CAGE1: variants seen among roughly 807,000 people sequenced by gnomAD.
The protein encoded by CAGE1 is cancer-associated gene 1 protein.
CAGE1 carries 66 observed loss-of-function variants against 94.9 expected under a neutral mutation model. The observed-to-expected ratio is 0.70, with a 90% confidence interval of 0.57 to 0.85. The LOEUF (loss-of-function observed/expected upper bound fraction) is 0.85, where lower values mean the gene tolerates loss of function less well. Ranked by LOEUF, CAGE1 falls within the 40% of genes least tolerant of loss-of-function variation. CAGE1 has a pLI of 0.00. For synonymous variants in CAGE1, 319 were observed against 321.0 expected, an observed-to-expected ratio of 0.99 and a Z score of 0.07; for missense variants, 865 against 950.4, an observed-to-expected ratio of 0.91 and a Z score of 1.18.
intron 10 of CAGE1, 125 bp from the exon 11 acceptor site, chr6:7,355,236 C>G: frequency 1.7e-6 from 1 of 598,614 alleles, no homozygotes; most frequent in Admixed American, 3.1e-5. Context: ...AGGCAAAACA[C>G]TTTCCTTACA....
At chr6:7,358,721 T>C (rs1425736384) in intron 9 of CAGE1, among the ~76,000 whole-genome samples, 1 of 152,182 alleles carries the variant, frequency 6.6e-6, no homozygotes, top group Non-Finnish European at 1.5e-5. Flanking sequence ...GATGTGCACC[T>C]GTAGTCCCAG....
In CAGE1 at chr6:7,355,120, AAAT is replaced by A; in HGVS notation, c.2299-12_2299-10del. The A allele has an allele frequency of 1.9e-6, 3 of 1,582,392 alleles. 1 individual carries two copies. The highest frequency in any genetic ancestry group is 2.6e-6 in the Non-Finnish European group (3 of 1,161,316). ...TCTTCATATGATGTAACCTTGAAAA[AAAT>A]AAGCTAAACCAATTATTTTTCATTC... On this transcript the variant is annotated splice_polypyrimidine_tract_variant and intron_variant, in intron 10 of 13. Transcript: ENST00000502583.
rs1376329128 is a variant in CAGE1, at chr6:7,373,568, A to G, written c.1251T>C (p.Tyr417=). 1.2e-6 allele frequency: 2 copies of G among 1,613,466 alleles called. No homozygotes were observed. Among genetic ancestry groups the G allele is most frequent in the Admixed American group, 1.7e-5 (1 of 59,972 alleles). The change falls in exon 5 of 14, where the codon TAT becomes TAC. Residue 417 remains tyrosine (Y), a synonymous_variant. Coordinates refer to ENST00000502583, the MANE Select transcript of CAGE1 (RefSeq NM_001170692.2). ...QLQFKKIKAN[Y]VCLQERYMTE... Reference sequence around the variant, plus strand: ...TCATGTACCTTTCCTGTAAACACACATAATTAGCCTTGATCTTCTTAAATT... The same window carrying G: ...TCATGTACCTTTCCTGTAAACACACGTAATTAGCCTTGATCTTCTTAAATT...
rs1758556586 is a variant in CAGE1, at chr6:7,326,804, G to A, written c.*54C>T. The stretch of plus-strand genomic sequence containing the variant: ...TGATTTGGCTAGCATATGTAGTAAT[G>A]ACTCTTCCTGGAGTGGTTGACAAAA... On this transcript the variant is annotated 3_prime_UTR_variant, in exon 14 of 14. Coordinates refer to ENST00000502583, the MANE Select transcript of CAGE1 (RefSeq NM_001170692.2). 2 of 1,238,024 alleles carry A rather than the reference G, an allele frequency of 1.6e-6. No homozygotes were observed. Among genetic ancestry groups the A allele is most frequent in the Non-Finnish European group, 2.4e-6 (2 of 838,402 alleles). The allele number at this position is 1,238,024 out of a possible 1,614,324, so 76.7% of individuals were successfully genotyped here. A position where few individuals can be genotyped will look rare whatever the true frequency, so the allele number is the denominator to read the frequency against.
At chr6:7,341,598 G>T in intron 11 of CAGE1, 1 of 920,748 alleles carries the variant, frequency 1.1e-6, no homozygotes, top group Non-Finnish European at 1.8e-6. Flanking sequence ...CCTCTAACTT[G>T]TCCACAGCAA....
rs1264101640 is a variant in CAGE1, at chr6:7,389,505, A to T, written c.-327T>A. The T allele has an allele frequency of 1.7e-5, 6 of 363,152 alleles. No homozygotes were observed. In the East Asian group the frequency reaches 4.4e-4, roughly 27 times the overall value. 22.5% of individuals were successfully genotyped at this position (363,152 alleles called of 1,614,324 possible). On this transcript the variant is annotated 5_prime_UTR_variant, in exon 1 of 14. Coordinates refer to ENST00000502583, the MANE Select transcript of CAGE1 (RefSeq NM_001170692.2). Reference sequence around the variant, plus strand: ...CAGCCCGCGAGGCCCGAGCGACCCTACTGTGGGTGCGGTGTCTTCCCAGAG... The same window carrying T: ...CAGCCCGCGAGGCCCGAGCGACCCTTCTGTGGGTGCGGTGTCTTCCCAGAG...
At chr6:7,387,745 C>T in intron 1 of CAGE1, among the ~76,000 whole-genome samples, 1 of 151,704 alleles carries the variant, frequency 6.6e-6, no homozygotes, top group East Asian at 1.9e-4. Context: ...CAGGGCCGAG[C>T]GCGGTGGCTC....
chr6:7,329,887 A>G lies in CAGE1; in HGVS notation c.2440T>C (p.Ser814Pro), dbSNP rs774887215. ...KPREKARKPRSKSLENHPKSM... is the reference protein window; with the variant it reads ...KPREKARKPRPKSLENHPKSM... ...TTCGGATGATTTTCTAAGCTTTTTG[A>G]TCTGTAAGAAATAGAAAGAAAATAA... Residue 814 changes from serine to proline, a missense_variant and splice_region_variant, in exon 13 of 14, where the codon TCA becomes CCA. Ser to Pro is a moderately conservative substitution (Grantham distance 74). Transcript: ENST00000502583. 4 of 1,408,908 alleles carry G rather than the reference A, an allele frequency of 2.8e-6. No individual in the cohort carries two copies. Among genetic ancestry groups the G allele is most frequent in the African/African-American group, 2.8e-5 (2 of 71,154 alleles). The allele number at this position is 1,408,908 out of a possible 1,614,324, so 87.3% of individuals were successfully genotyped here.
chr6:7,387,990 C>T (rs1050300011), intron 1 of CAGE1, among the ~76,000 whole-genome samples: 1 of 144,402 alleles, frequency 6.9e-6, no homozygotes, highest in Non-Finnish European at 1.5e-5. Flanking sequence ...GCCGAGATGG[C>T]CCACTGCACT....
At chr6:7,352,046 G>C (rs1381150681) in intron 11 of CAGE1, among the ~76,000 whole-genome samples, 1 of 152,026 alleles carries the variant, frequency 6.6e-6, no homozygotes, top group East Asian at 1.9e-4. Context: ...AGTCAGACAA[G>C]AGAAATAAAT....
At chr6:7,353,675 G>T (rs1398644194) in intron 11 of CAGE1, among the ~76,000 whole-genome samples, 3 of 145,766 alleles carry the variant, frequency 2.1e-5, no homozygotes, top group African/African-American at 7.6e-5. Flanking sequence ...AATGGATAAA[G>T]AAACTGTTAT....
chr6:7,331,065 G>A (rs1042584531), intron 12 of CAGE1, among the ~76,000 whole-genome samples: 1 of 152,078 alleles, frequency 6.6e-6, no homozygotes, highest in Non-Finnish European at 1.5e-5. Flanking sequence ...TCATTTTGGG[G>A]AAAAAGTCAT....
At chr6:7,347,444 C>A (rs932461834) in intron 11 of CAGE1, 6 of 145,402 alleles carry the variant, frequency 4.1e-5, no homozygotes, top group African/African-American at 1.5e-4. Flanking sequence ...GCCCTGGGAG[C>A]TCGCTGGGTC....
At chr6:7,336,658 C>T (rs565441078) in intron 11 of CAGE1, among the ~76,000 whole-genome samples, 2 of 152,142 alleles carry the variant, frequency 1.3e-5, no homozygotes, top group East Asian at 1.9e-4. Context: ...TACAGGTGTG[C>T]GCCACCATGC....
intron 12 of CAGE1, among the ~76,000 whole-genome samples, chr6:7,330,468 C>T (rs995744624): frequency 1.3e-5 from 2 of 152,140 alleles, no homozygotes; most frequent in Admixed American, 6.5e-5. Context: ...ACTTAGGATA[C>T]GATTCTGACT....
rs777299330 is a variant in CAGE1 at position 7,378,606 on chromosome 6, T to C, written c.687+11A>G. 1 of 1,556,672 alleles carries C rather than the reference T, an allele frequency of 6.4e-7. No individual in the cohort carries two copies. Among genetic ancestry groups the C allele is most frequent in the Non-Finnish European group, 8.6e-7 (1 of 1,158,128 alleles). On this transcript the variant is annotated intron_variant, in intron 4 of 13. Coordinates refer to ENST00000502583, the MANE Select transcript of CAGE1 (RefSeq NM_001170692.2). ...ATCAAATGGTTTTACAATATTATTG[T>C]GTACACTTTCCTTACATAAGAAGCT...
Position 7,365,465 on chromosome 6 carries a change from T to C in CAGE1, c.2193+3A>G, listed in dbSNP as rs1242243063. 2 of 1,611,000 alleles carry C rather than the reference T, an allele frequency of 1.2e-6. No homozygotes were observed. The highest frequency in any genetic ancestry group is 2.2e-5 in the East Asian group (1 of 44,790). On this transcript the variant is annotated splice_donor_region_variant and intron_variant, in intron 9 of 13. Coordinates refer to ENST00000502583, the MANE Select transcript of CAGE1 (RefSeq NM_001170692.2). ...TAGCAAGGTAAAAAAAGGTCTTTCT[T>C]ACCAAGAAATCAAGCTCCTCATTTA...
intron 11 of CAGE1, among the ~76,000 whole-genome samples, chr6:7,335,672 C>T (rs968209628): frequency 1.4e-4 from 21 of 152,238 alleles, no homozygotes; most frequent in Admixed American, 1.0e-3. Context: ...CTCAAACTCC[C>T]GGGCTGAAGC....
intron 3 of CAGE1, among the ~76,000 whole-genome samples, chr6:7,384,545 T>C (rs999763944): frequency 2.0e-5 from 3 of 152,086 alleles, no homozygotes; most frequent in African/African-American, 7.2e-5. Flanking sequence ...GGCAGGAGAC[T>C]CACTTGAGCC....
Sources: gnomAD v4.1 joint callset for allele counts (sites outside exome capture counted in the v4.1 genomes callset) on GRCh38, gnomAD v4.1.1 for gene constraint, MANE v1.5 for transcripts, NCBI Gene and HGNC (gene_info 2026-07-23, HGNC 2026-07-21) for gene names.